Variants in MTPN observed in about 807,000 individuals in gnomAD.
MTPN encodes the protein myotrophin, also known as granule cell differentiation protein.
A neutral mutation model predicts 13.5 loss-of-function variants in MTPN; 2 were observed. The ratio of observed to expected loss-of-function variants is 0.15; its 90% confidence interval spans 0.06 to 0.47. The LOEUF is 0.47. Ranked by LOEUF, MTPN falls within the 20% of genes least tolerant of loss-of-function variation. MTPN has a pLI of 0.97. For missense variants in MTPN, 79 were observed against 137.9 expected, an observed-to-expected ratio of 0.57 and a Z score of 2.14; for synonymous variants, 46 against 51.7, an observed-to-expected ratio of 0.89 and a Z score of 0.48.
At chr7:135,933,842 G>T (rs1215219541) in intron 3 of MTPN, among the ~76,000 whole-genome samples, 1 of 152,072 alleles carries the variant, frequency 6.6e-6, no homozygotes, top group Admixed American at 6.6e-5. Context: ...GAGGTGACTG[G>T]ATCACGGGTG....
At chr7:135,942,911 C>T (rs911215579) in intron 3 of MTPN, among the ~76,000 whole-genome samples, 2 of 152,158 alleles carry the variant, frequency 1.3e-5, no homozygotes, top group African/African-American at 2.4e-5. Flanking sequence ...AAACAGTTAA[C>T]GACAATGAAC....
At chr7:135,976,584 A>G (rs7781127) in intron 1 of MTPN, among the ~76,000 whole-genome samples, 11,999 of 152,068 alleles carry the variant, frequency 0.079, 536 homozygotes, top group Admixed American at 0.1. Context: ...CCAGGCCGAG[A>G]GTTAAAAAAC....
At chr7:135,976,620 G>A (rs1424087007) in intron 1 of MTPN, among the ~76,000 whole-genome samples, 1 of 152,088 alleles carries the variant, frequency 6.6e-6, no homozygotes, top group Non-Finnish European at 1.5e-5. Flanking sequence ...TAATTACTTA[G>A]GTTACTTCAT....
chr7:135,935,637 A>C (rs1303159755), intron 3 of MTPN, among the ~76,000 whole-genome samples: 1 of 152,216 alleles, frequency 6.6e-6, no homozygotes, highest in Non-Finnish European at 1.5e-5. Flanking sequence ...AAAGCCTTTA[A>C]TGGCATTCTC....
chr7:135,950,116 A>G (rs1799341556), intron 3 of MTPN, among the ~76,000 whole-genome samples: 1 of 152,190 alleles, frequency 6.6e-6, no homozygotes, highest in Non-Finnish European at 1.5e-5. Context: ...CTCCAAATTT[A>G]CCACTATCTC....
intron 1 of MTPN, among the ~76,000 whole-genome samples, chr7:135,973,259 T>C (rs1012031416): frequency 1.0e-4 from 15 of 147,114 alleles, no homozygotes; most frequent in Admixed American, 4.7e-4. Context: ...TCTTGACTAT[T>C]TTCTTATAGT....
chr7:135,974,878 G>A (rs1340405088), intron 1 of MTPN, among the ~76,000 whole-genome samples: 1 of 152,168 alleles, frequency 6.6e-6, no homozygotes, highest in Non-Finnish European at 1.5e-5. Context: ...GCACCGTAAG[G>A]GAGCTGAGTC....
chr7:135,972,229 G>GCGCACA (rs757830376), intron 1 of MTPN, among the ~76,000 whole-genome samples: 4 of 117,364 alleles, frequency 3.4e-5, no homozygotes, highest in African/African-American at 6.5e-5. Flanking sequence ...GCGCACGCGC[G>GCGCACA]CGCACACACA....
intron 3 of MTPN, among the ~76,000 whole-genome samples, chr7:135,944,233 A>G (rs1461675231): frequency 6.6e-6 from 1 of 152,214 alleles, no homozygotes; most frequent in Non-Finnish European, 1.5e-5. Flanking sequence ...TTGATTATTT[A>G]GAAATAGTAT....
rs1205383144 is a variant in MTPN at position 135,977,272 on chromosome 7, C to G, written c.-172G>C. On this transcript the variant is annotated 5_prime_UTR_variant, in exon 1 of 4. Transcript: ENST00000393085. The stretch of plus-strand genomic sequence containing the variant: ...GAGGCAGTTGGCCGCGGCGACCGTT[C>G]GGGCGGGAGAAAGAAAGTTCTTTTG... The G allele has an allele frequency of 1.5e-6, 1 of 656,632 alleles. No homozygotes were observed. The allele number at this position is 656,632 out of a possible 1,614,324, so 40.7% of individuals were successfully genotyped here.
At chr7:135,956,133 G>C (rs1344130243) in intron 1 of MTPN, among the ~76,000 whole-genome samples, 1 of 152,194 alleles carries the variant, frequency 6.6e-6, no homozygotes, top group Admixed American at 6.5e-5. Context: ...GGTTAGGGGG[G>C]TGCTGAATGA....
intron 1 of MTPN, among the ~76,000 whole-genome samples, chr7:135,963,497 C>T (rs375768415): frequency 6.6e-6 from 1 of 151,918 alleles, no homozygotes; most frequent in African/African-American, 2.4e-5. Context: ...GGTGATAATA[C>T]ATTAATACTT....
chr7:135,966,627 C>A (rs1173489977), intron 1 of MTPN, among the ~76,000 whole-genome samples: 1 of 152,104 alleles, frequency 6.6e-6, no homozygotes, highest in East Asian at 1.9e-4. Context: ...AGAGATGCTA[C>A]AAGTGGCACA....
At chr7:135,951,290 ATAC>A (rs1252891000) in intron 2 of MTPN, among the ~76,000 whole-genome samples, 3 of 152,200 alleles carry the variant, frequency 2.0e-5, no homozygotes, top group Non-Finnish European at 4.4e-5. Context: ...CAGGGGAAAC[ATAC>A]TAACCTTCAA....
intron 1 of MTPN, among the ~76,000 whole-genome samples, chr7:135,966,600 A>T (rs986669707): frequency 6.6e-6 from 1 of 152,150 alleles, no homozygotes; most frequent in Non-Finnish European, 1.5e-5. Context: ...CTGTCACAAG[A>T]ACCACCTGGG....
At chr7:135,934,055 C>A (rs1221420585) in intron 3 of MTPN, among the ~76,000 whole-genome samples, 1 of 152,116 alleles carries the variant, frequency 6.6e-6, no homozygotes, top group African/African-American at 2.4e-5. Flanking sequence ...GCCTCTTGTA[C>A]AGCGTGAGGA....
At chr7:135,937,964 T>A (rs1018304196) in intron 3 of MTPN, among the ~76,000 whole-genome samples, 1 of 152,352 alleles carries the variant, frequency 6.6e-6, no homozygotes, top group Admixed American at 6.5e-5. Context: ...GTGTTGACTG[T>A]CTGTTTATGT....
chr7:135,960,011 C>G (rs1449064964), intron 1 of MTPN, among the ~76,000 whole-genome samples: 1 of 151,934 alleles, frequency 6.6e-6, no homozygotes, highest in Non-Finnish European at 1.5e-5. Context: ...CCAAAGACAT[C>G]AATTTGGTTA....
At chr7:135,943,415 A>G (rs1799242876) in intron 3 of MTPN, among the ~76,000 whole-genome samples, 1 of 152,222 alleles carries the variant, frequency 6.6e-6, no homozygotes, top group Non-Finnish European at 1.5e-5. Flanking sequence ...GATACTTGAG[A>G]GGGATATTCA....
Sources: allele counts gnomAD v4.1 joint callset (sites outside exome capture counted in the v4.1 genomes callset), GRCh38; gene constraint gnomAD v4.1.1; transcripts MANE v1.5; gene names NCBI Gene and HGNC (gene_info 2026-07-23, HGNC 2026-07-21).